Variants in RIMS1 observed in about 807,000 individuals in gnomAD.
RIMS1 encodes regulating synaptic membrane exocytosis protein 1.
Under a neutral mutation model 214.1 loss-of-function variants are expected in RIMS1, and 83 were observed. The observed-to-expected ratio is 0.39, with a 90% confidence interval of 0.32 to 0.47. The LOEUF (loss-of-function observed/expected upper bound fraction) is 0.47. RIMS1 is among the 20% of genes least tolerant of loss of function. The pLI, the probability that RIMS1 is intolerant of heterozygous loss-of-function variation, is 0.99. For missense variants in RIMS1, 2,050 were observed against 2,161.8 expected (o/e 0.95, Z 1.03); for synonymous variants, 793 against 786.8 (o/e 1.01, Z -0.13).
chr6:71,905,646 T>A (rs1298655356), intron 1 of RIMS1, among the ~76,000 whole-genome samples: 1 of 152,110 alleles, frequency 6.6e-6, no homozygotes, highest in African/African-American at 2.4e-5. Context: ...AAAATTAACT[T>A]GTTGAAGACA....
At chr6:72,262,023 A>G (rs924757194) in intron 19 of RIMS1, 30 of 984,766 alleles carry the variant, frequency 3.0e-5, no homozygotes, top group South Asian at 4.7e-5. Flanking sequence ...ACTCCTCTTG[A>G]TGTGACTAAA....
intron 29 of RIMS1, among the ~76,000 whole-genome samples, chr6:72,354,729 T>A (rs2097572032): frequency 1.3e-5 from 2 of 152,166 alleles, no homozygotes; most frequent in African/African-American, 4.8e-5. Context: ...TCACCTTGTA[T>A]TTGTAAACCC....
intron 2 of RIMS1, among the ~76,000 whole-genome samples, chr6:72,033,925 G>A (rs2152031753): frequency 6.6e-6 from 1 of 152,244 alleles, no homozygotes; most frequent in African/African-American, 2.4e-5. Context: ...ACTGCCCATA[G>A]CCTGTTTGAA....
At chr6:72,221,521 A>C (rs1000357571) in intron 6 of RIMS1, among the ~76,000 whole-genome samples, 1 of 152,064 alleles carries the variant, frequency 6.6e-6, no homozygotes, top group Non-Finnish European at 1.5e-5. Flanking sequence ...AGCCATTAGA[A>C]TACAGTTGCA....
intron 2 of RIMS1, among the ~76,000 whole-genome samples, chr6:71,977,322 A>G (rs902985567): frequency 6.6e-6 from 1 of 152,168 alleles, no homozygotes; most frequent in Non-Finnish European, 1.5e-5. Context: ...AATTTCTTCA[A>G]CAGGTGGAAG....
At chr6:72,041,870 C>T (rs974974751) in intron 2 of RIMS1, among the ~76,000 whole-genome samples, 4 of 151,754 alleles carry the variant, frequency 2.6e-5, no homozygotes, top group East Asian at 1.9e-4. Context: ...GTTAAGGAAA[C>T]GGAGACTTAA....
rs540949907 is a variant in RIMS1, at chr6:71,902,167, C to T, written c.164+14980C>T. The stretch of plus-strand genomic sequence containing the variant: ...ATAAAAGAGAGAGTGTATTTTGTGA[C>T]GGGAAAGAAAAGATGAGGGACCTTC... On this transcript the variant is annotated intron_variant, in intron 1 of 33. Coordinates refer to ENST00000521978, the MANE Select transcript of RIMS1 (RefSeq NM_014989.7). Among the ~76,000 whole-genome samples, 27 of 152,016 alleles carry T rather than the reference C, an allele frequency of 1.8e-4. No individual in the cohort carries two copies. The South Asian group carries it at 2.7e-3, about 15-fold the overall frequency.
At chr6:72,073,304 A>G (rs1831017924) in intron 2 of RIMS1, among the ~76,000 whole-genome samples, 1 of 152,210 alleles carries the variant, frequency 6.6e-6, no homozygotes, top group African/African-American at 2.4e-5. Context: ...TCTTCATACA[A>G]ATAAAATGCA....
intron 2 of RIMS1, among the ~76,000 whole-genome samples, chr6:72,018,894 C>T (rs986287399): frequency 1.3e-5 from 2 of 152,052 alleles, no homozygotes; most frequent in African/African-American, 4.8e-5. Context: ...CTATAGTGCT[C>T]AACATTTTAA....
intron 28 of RIMS1, among the ~76,000 whole-genome samples, chr6:72,331,464 G>A (rs1443456217): frequency 2.0e-5 from 3 of 151,790 alleles, no homozygotes; most frequent in Non-Finnish European, 4.4e-5. Flanking sequence ...GATTGAGCAT[G>A]GACATTGTAA....
At chr6:71,898,803 T>G (rs1562147550) in intron 1 of RIMS1, among the ~76,000 whole-genome samples, 1 of 152,190 alleles carries the variant, frequency 6.6e-6, no homozygotes, top group African/African-American at 2.4e-5. Flanking sequence ...CATTTTTCAT[T>G]ACTGAGAGAG....
intron 25 of RIMS1, 34 bp downstream of exon 25, chr6:72,290,895 C>A (rs200810865): frequency 1.9e-6 from 3 of 1,601,266 alleles, no homozygotes; most frequent in South Asian, 2.2e-5. Context: ...GCATTCATGT[C>A]CTGCCTCCGG....
chr6:72,124,764 C>T (rs1462809818), intron 4 of RIMS1, among the ~76,000 whole-genome samples: 2 of 152,204 alleles, frequency 1.3e-5, no homozygotes, highest in East Asian at 3.9e-4. Context: ...TCCACTTGAT[C>T]CAATCGGCTA....
At chr6:72,037,659 C>T (rs1820049150) in intron 2 of RIMS1, among the ~76,000 whole-genome samples, 1 of 152,072 alleles carries the variant, frequency 6.6e-6, no homozygotes, top group African/African-American at 2.4e-5. Context: ...CCATCACCTT[C>T]AAAAGTTTTC....
At chr6:71,978,771 G>C (rs150799646) in intron 2 of RIMS1, among the ~76,000 whole-genome samples, 99 of 152,070 alleles carry the variant, frequency 6.5e-4, no homozygotes, top group African/African-American at 2.4e-3. Flanking sequence ...AATGTCACAG[G>C]CTATAGTTGT....
chr6:71,987,469 G>T (rs895960814), intron 2 of RIMS1, among the ~76,000 whole-genome samples: 15 of 152,116 alleles, frequency 9.9e-5, no homozygotes, highest in Non-Finnish European at 5.9e-5. Context: ...ATTTATGAGG[G>T]CTCTGCCTCA....
chr6:71,896,380 T>C (rs1771790094), intron 1 of RIMS1, among the ~76,000 whole-genome samples: 1 of 152,178 alleles, frequency 6.6e-6, no homozygotes, highest in African/African-American at 2.4e-5. Flanking sequence ...CTAAGTATCA[T>C]GCCAGACACA....
At chr6:72,173,118 G>A (rs2047244626) in intron 4 of RIMS1, among the ~76,000 whole-genome samples, 1 of 152,022 alleles carries the variant, frequency 6.6e-6, no homozygotes, top group South Asian at 2.1e-4. Flanking sequence ...TAAAATTTCA[G>A]GACCCATATC....
intron 4 of RIMS1, among the ~76,000 whole-genome samples, chr6:72,151,111 C>T (rs554155454): frequency 5.2e-4 from 79 of 152,184 alleles, no homozygotes; most frequent in Admixed American, 8.5e-4. Flanking sequence ...GGCGCAATCT[C>T]GGCTCACTGC....
Sources: allele counts gnomAD v4.1 joint callset (sites outside exome capture counted in the v4.1 genomes callset), GRCh38; gene constraint gnomAD v4.1.1; transcripts MANE v1.5; gene names NCBI Gene and HGNC (gene_info 2026-07-23, HGNC 2026-07-21).